SUSD5: variants seen among roughly 807,000 people sequenced by gnomAD.
The protein encoded by SUSD5 is sushi domain containing 5.
A neutral mutation model predicts 29.5 loss-of-function variants in SUSD5; 33 were observed. The observed-to-expected ratio is 1.12, with a 90% CI of 0.85 to 1.49. The LOEUF is 1.49. Ranked by LOEUF, SUSD5 falls within the 40% of genes most tolerant of loss-of-function variation. The pLI, the probability that SUSD5 is intolerant of heterozygous loss-of-function variation, is 0.00. For synonymous variants in SUSD5, 308 were observed against 325.3 expected, an observed-to-expected ratio of 0.95 and a Z score of 0.57; for missense variants, 776 against 800.6, an observed-to-expected ratio of 0.97 and a Z score of 0.37.
At chr3:33,184,155 G>A (rs1478072225) in intron 3 of SUSD5, among the ~76,000 whole-genome samples, 1 of 151,524 alleles carries the variant, frequency 6.6e-6, no homozygotes, top group Non-Finnish European at 1.5e-5. Context: ...GGCCAGGCAG[G>A]TCTCGAACTC....
chr3:33,182,529 C>T (rs1409401042), intron 3 of SUSD5, among the ~76,000 whole-genome samples: 1 of 152,172 alleles, frequency 6.6e-6, no homozygotes, highest in Non-Finnish European at 1.5e-5. Context: ...TTTAAATCTC[C>T]AACTACAACA....
At chr3:33,169,379 C>T (rs1246979750) in intron 4 of SUSD5, among the ~76,000 whole-genome samples, 3 of 152,156 alleles carry the variant, frequency 2.0e-5, no homozygotes, top group African/African-American at 7.2e-5. Flanking sequence ...CGCCACCACG[C>T]CCGGCTAAGT....
At chr3:33,213,864 G>A in intron 2 of SUSD5, 64 bp downstream of exon 2, 1 of 1,502,710 alleles carries the variant, frequency 6.7e-7, no homozygotes, top group Non-Finnish European at 9.0e-7. Context: ...CAATTACTGA[G>A]TCCTATATAA....
chr3:33,199,756 T>C (rs140684452), intron 3 of SUSD5, among the ~76,000 whole-genome samples: 48 of 152,312 alleles, frequency 3.2e-4, no homozygotes, highest in African/African-American at 1.1e-3. Context: ...AGTGGGACTT[T>C]TGGGAGGCGA....
At chr3:33,190,407 T>C (rs1436605170) in intron 3 of SUSD5, 1 of 152,600 alleles carries the variant, frequency 6.6e-6, no homozygotes, top group East Asian at 1.9e-4. Flanking sequence ...TAATACGATA[T>C]AACCATTTTA....
At chr3:33,157,946 G>T (rs2031090871) in intron 4 of SUSD5, among the ~76,000 whole-genome samples, 1 of 152,220 alleles carries the variant, frequency 6.6e-6, no homozygotes, top group Non-Finnish European at 1.5e-5. Flanking sequence ...GGTCTATTAT[G>T]CAGAAAAAGC....
At chr3:33,178,816 A>C (rs2031608176) in intron 3 of SUSD5, among the ~76,000 whole-genome samples, 1 of 152,212 alleles carries the variant, frequency 6.6e-6, no homozygotes, top group Non-Finnish European at 1.5e-5. Flanking sequence ...TGGCTTAGAA[A>C]GTATTCCTTC....
chr3:33,171,388 G>T (rs2031424716), intron 4 of SUSD5, among the ~76,000 whole-genome samples: 1 of 151,460 alleles, frequency 6.6e-6, no homozygotes, highest in Non-Finnish European at 1.5e-5. Flanking sequence ...GCTCAGAAAA[G>T]TCAAGAAAAC....
chr3:33,164,629 T>C (rs931982946), intron 4 of SUSD5, among the ~76,000 whole-genome samples: 2 of 152,140 alleles, frequency 1.3e-5, no homozygotes, highest in African/African-American at 4.8e-5. Flanking sequence ...TAAATAACCT[T>C]GAAAGTTCTG....
intron 4 of SUSD5, among the ~76,000 whole-genome samples, chr3:33,168,934 G>A (rs964300650): frequency 6.6e-6 from 1 of 152,202 alleles, no homozygotes; most frequent in Non-Finnish European, 1.5e-5. Context: ...ACAGGCATGA[G>A]CCACTGCACC....
At chr3:33,161,809 C>G (rs1317707059) in intron 4 of SUSD5, among the ~76,000 whole-genome samples, 1 of 152,028 alleles carries the variant, frequency 6.6e-6, no homozygotes, top group Non-Finnish European at 1.5e-5. Context: ...ATTGTATGTA[C>G]TTAATAATAT....
intron 3 of SUSD5, among the ~76,000 whole-genome samples, chr3:33,183,093 C>T (rs553482942): frequency 1.3e-5 from 2 of 152,316 alleles, no homozygotes; most frequent in East Asian, 3.9e-4. Context: ...CCACACCCAG[C>T]TCCCTTTACT....
intron 2 of SUSD5, among the ~76,000 whole-genome samples, chr3:33,209,432 C>A (rs2032281837): frequency 6.6e-6 from 1 of 151,906 alleles, no homozygotes; most frequent in South Asian, 2.1e-4. Flanking sequence ...TTGTCTTTTA[C>A]CCTTTGTTGT....
Position 33,153,468 on chromosome 3 carries a change from C to G in SUSD5, c.1164G>C (p.Glu388Asp). Residue 388 changes from glutamate to aspartate, a missense_variant, in exon 5 of 5, where the codon GAG becomes GAC. By Grantham distance (45) the Glu-to-Asp change is conservative (BLOSUM62 2). Transcript: ENST00000309558. ...EGAWRKTEAEEEEDGDRGDGS... is the reference protein window; with the variant it reads ...EGAWRKTEAEDEEDGDRGDGS... ...CATCCCCTCTGTCCCCATCTTCTTCCTCTTCTGCCTCTGTCTTCCTCCAAG... is the reference window on the plus strand; with the variant it reads ...CATCCCCTCTGTCCCCATCTTCTTCGTCTTCTGCCTCTGTCTTCCTCCAAG... 1 of 1,614,100 alleles carries G rather than the reference C, an allele frequency of 6.2e-7. No individual in the cohort carries two copies. Among genetic ancestry groups the G allele is most frequent in the African/African-American group, 1.3e-5 (1 of 75,026 alleles).
intron 4 of SUSD5, among the ~76,000 whole-genome samples, chr3:33,168,309 G>C (rs2031349164): frequency 6.6e-6 from 1 of 152,062 alleles, no homozygotes; most frequent in South Asian, 2.1e-4. Flanking sequence ...AAGACAACCA[G>C]ACAAGCCAGA....
At chr3:33,174,077 C>T (rs997887743) in intron 4 of SUSD5, among the ~76,000 whole-genome samples, 17 of 152,184 alleles carry the variant, frequency 1.1e-4, no homozygotes, top group Non-Finnish European at 4.4e-5. Context: ...TTGGGGAACT[C>T]AGTGTCCACT....
chr3:33,218,193 G>A (rs1003746774), intron 1 of SUSD5, among the ~76,000 whole-genome samples: 1 of 152,042 alleles, frequency 6.6e-6, no homozygotes, highest in Non-Finnish European at 1.5e-5. Context: ...TTTCCCTCTG[G>A]CCAGGCCATT....
At chr3:33,201,279 G>C (rs2032112284) in intron 3 of SUSD5, among the ~76,000 whole-genome samples, 1 of 152,188 alleles carries the variant, frequency 6.6e-6, no homozygotes, top group Non-Finnish European at 1.5e-5. Context: ...GTATATGTCT[G>C]CAAGGCAGGG....
chr3:33,175,800 G>C (rs975312265), intron 3 of SUSD5, among the ~76,000 whole-genome samples: 6 of 152,006 alleles, frequency 3.9e-5, no homozygotes, highest in African/African-American at 1.5e-4. Flanking sequence ...TTCTGCACCA[G>C]AGTGGTCCAT....
Sources: gnomAD v4.1 joint callset for allele counts (sites outside exome capture counted in the v4.1 genomes callset) on GRCh38, gnomAD v4.1.1 for gene constraint, MANE v1.5 for transcripts, NCBI Gene and HGNC (gene_info 2026-07-23, HGNC 2026-07-21) for gene names.